Variants in MGAT4C observed in about 807,000 individuals in gnomAD.
MGAT4C encodes alpha-1,3-mannosyl-glycoprotein 4-beta-N-acetylglucosaminyltransferase C.
A neutral mutation model predicts 40.1 loss-of-function variants in MGAT4C; 19 were observed. The ratio of observed to expected loss-of-function variants is 0.47; its 90% confidence interval spans 0.33 to 0.70. The LOEUF is 0.70. Among genes scored for constraint, MGAT4C ranks in the 30% least tolerant of loss-of-function variants. The pLI is 0.02. For synonymous variants in MGAT4C, 181 were observed against 187.1 expected, an observed-to-expected ratio of 0.97 and a Z score of 0.27; for missense variants, 491 against 563.2, an observed-to-expected ratio of 0.87 and a Z score of 1.30.
chr12:85,988,085 T>A (rs1001840157), intron 3 of MGAT4C, among the ~76,000 whole-genome samples: 3 of 152,214 alleles, frequency 2.0e-5, no homozygotes, highest in Admixed American at 6.5e-5. Flanking sequence ...ATAACATTAG[T>A]ATGTTTCTCC....
At chr12:86,826,687 G>C (rs775494870) in intron 1 of MGAT4C, among the ~76,000 whole-genome samples, 2 of 151,226 alleles carry the variant, frequency 1.3e-5, no homozygotes, top group Admixed American at 6.6e-5. Context: ...CTGGGAATGA[G>C]AGAGTTCATG....
At chr12:86,409,586 T>G (rs534847974) in intron 3 of MGAT4C, among the ~76,000 whole-genome samples, 6 of 152,174 alleles carry the variant, frequency 3.9e-5, no homozygotes, top group Non-Finnish European at 8.8e-5. Flanking sequence ...GCCCAGCAAC[T>G]ACCTGTTCAA....
At chr12:86,639,545 A>C (rs890573869) in intron 2 of MGAT4C, among the ~76,000 whole-genome samples, 22 of 151,788 alleles carry the variant, frequency 1.4e-4, no homozygotes, top group Admixed American at 2.6e-4. Flanking sequence ...CCATAAGAAA[A>C]AATACATTTA....
At chr12:86,413,916 C>A (rs1956653717) in intron 3 of MGAT4C, among the ~76,000 whole-genome samples, 1 of 151,840 alleles carries the variant, frequency 6.6e-6, no homozygotes, top group South Asian at 2.1e-4. Context: ...GAAAGAGAAG[C>A]AGGAAGAGAA....
intron 1 of MGAT4C, among the ~76,000 whole-genome samples, chr12:86,176,584 C>T (rs1887462156): frequency 6.6e-6 from 1 of 151,726 alleles, no homozygotes; most frequent in Admixed American, 6.6e-5. Context: ...AAAATATGTA[C>T]ATGTCAATCA....
chr12:86,259,491 A>G (rs532255694), upstream of MGAT4C, among the ~76,000 whole-genome samples: 232 of 152,082 alleles, frequency 1.5e-3, no homozygotes, highest in African/African-American at 5.3e-3. Flanking sequence ...CAAGAAAAAT[A>G]AAAGGATGGT....
At chr12:86,526,715 G>A (rs998194782) in intron 2 of MGAT4C, among the ~76,000 whole-genome samples, 2 of 152,172 alleles carry the variant, frequency 1.3e-5, no homozygotes, top group African/African-American at 4.8e-5. Context: ...AAGAGAGCAA[G>A]TTAAGCCTAG....
intron 1 of MGAT4C, among the ~76,000 whole-genome samples, chr12:86,770,692 C>A (rs745416023): frequency 6.6e-5 from 10 of 151,950 alleles, no homozygotes; most frequent in South Asian, 2.1e-4. Flanking sequence ...TGTATGAATT[C>A]TTTCAATATG....
intron 1 of MGAT4C, among the ~76,000 whole-genome samples, chr12:86,835,840 A>G (rs1376679055): frequency 6.6e-6 from 1 of 151,788 alleles, no homozygotes; most frequent in Non-Finnish European, 1.5e-5. Context: ...ACATTTACAC[A>G]GCCAAAACCC....
In MGAT4C at chr12:86,119,589, A is replaced by G. The variant is rs1399702775; in HGVS notation, c.-56-69866T>C. ...TGCCCGGCTAATTTTTTGTATTTTT[A>G]GTAGAGACAGGGTTTCACCATGTTG... On this transcript the variant is annotated intron_variant, in intron 1 of 4. Transcript: ENST00000611864. 3.3e-5 allele frequency among the ~76,000 whole-genome samples: 5 copies of G among 151,684 alleles called. No individual in the cohort carries two copies. The East Asian group carries it at 9.7e-4, about 29-fold the overall frequency.
At chr12:86,280,287 C>G (rs1353359682) in intron 4 of MGAT4C, among the ~76,000 whole-genome samples, 1 of 151,854 alleles carries the variant, frequency 6.6e-6, no homozygotes, top group Non-Finnish European at 1.5e-5. Context: ...CTCTTTAGCT[C>G]TAATAATATT....
intron 2 of MGAT4C, among the ~76,000 whole-genome samples, chr12:86,627,189 G>T (rs573372851): frequency 3.9e-5 from 6 of 152,224 alleles, no homozygotes; most frequent in East Asian, 1.9e-4. Context: ...CCATTGCTGA[G>T]GCTTGAGTAG....
chr12:86,184,912 G>A (rs1433287464), intron 1 of MGAT4C, among the ~76,000 whole-genome samples: 7 of 152,078 alleles, frequency 4.6e-5, no homozygotes, highest in East Asian at 1.9e-4. Context: ...GGATATTCCC[G>A]TCAGCCTACG....
chr12:86,571,999 CT>C (rs1261234816), intron 2 of MGAT4C, among the ~76,000 whole-genome samples: 2 of 152,076 alleles, frequency 1.3e-5, no homozygotes, highest in African/African-American at 4.8e-5. Context: ...CTTCCAACAA[CT>C]TAAAGCGATA....
chr12:86,708,032 C>G (rs1225155244), intron 2 of MGAT4C, among the ~76,000 whole-genome samples: 1 of 152,198 alleles, frequency 6.6e-6, no homozygotes, highest in Admixed American at 6.5e-5. Flanking sequence ...GAGCTGAATG[C>G]TAATCCCCAA....
intron 2 of MGAT4C, among the ~76,000 whole-genome samples, chr12:86,700,095 AGATAGATAGAT>A (rs1300638645): frequency 1.8e-5 from 2 of 111,824 alleles, no homozygotes; most frequent in Middle Eastern, 4.7e-3. Context: ...GATAGATGAT[AGATAGATAGAT>A]GATAGATAGG....
At chr12:86,408,280 C>T (rs1049092394) in intron 3 of MGAT4C, among the ~76,000 whole-genome samples, 1 of 151,762 alleles carries the variant, frequency 6.6e-6, no homozygotes, top group Non-Finnish European at 1.5e-5. Flanking sequence ...CAATCACTCA[C>T]AGTACATTTA....
chr12:86,040,399 G>A (rs1193108329), intron 2 of MGAT4C, among the ~76,000 whole-genome samples: 1 of 152,224 alleles, frequency 6.6e-6, no homozygotes, highest in Non-Finnish European at 1.5e-5. Flanking sequence ...CCCTGACTGG[G>A]GCTGCTGCCT....
intron 1 of MGAT4C, chr12:86,727,335 T>C (rs1186786988): frequency 5.3e-5 from 8 of 152,146 alleles, no homozygotes; most frequent in African/African-American, 1.4e-4. Context: ...ATTAGGTCAC[T>C]GGCAGTCAGA....
Sources: allele counts gnomAD v4.1 joint callset (sites outside exome capture counted in the v4.1 genomes callset), GRCh38; gene constraint gnomAD v4.1.1; transcripts MANE v1.5; gene names NCBI Gene and HGNC (gene_info 2026-07-23, HGNC 2026-07-21).